WDR47: variants seen among roughly 807,000 people sequenced by gnomAD.
WDR47 encodes the protein WD repeat-containing protein 47.
Under a neutral mutation model 97.2 loss-of-function variants are expected in WDR47, and 32 were observed. The ratio of observed to expected loss-of-function variants is 0.33; its 90% CI spans 0.25 to 0.44. The LOEUF is 0.44. Among genes scored for constraint, WDR47 ranks in the 20% least tolerant of loss-of-function variants. WDR47 has a pLI of 1.00. For missense variants in WDR47, 782 were observed against 1,102.3 expected (o/e 0.71, Z 4.11); for synonymous variants, 375 against 373.5 (o/e 1.00, Z -0.05).
At chr1:109,004,446 A>C in intron 6 of WDR47, 146 bp downstream of exon 6, 2 of 1,003,982 alleles carry the variant, frequency 2.0e-6, no homozygotes, top group Non-Finnish European at 2.7e-6. Context: ...TGAAGAGAGG[A>C]GAGAAAATAA....
chr1:108,983,902 A>G (rs1658555814), intron 10 of WDR47, among the ~76,000 whole-genome samples: 1 of 152,256 alleles, frequency 6.6e-6, no homozygotes, highest in East Asian at 1.9e-4. Flanking sequence ...AATCTGGTAC[A>G]GGTAGATATT....
intron 13 of WDR47, among the ~76,000 whole-genome samples, chr1:108,979,925 G>A (rs1658210667): frequency 1.3e-5 from 2 of 152,174 alleles, no homozygotes; most frequent in Non-Finnish European, 2.9e-5. Flanking sequence ...CACACAGCAC[G>A]AGGTGAGTGA....
At chr1:108,983,790 A>C (rs1034674583) in intron 10 of WDR47, among the ~76,000 whole-genome samples, 5 of 152,120 alleles carry the variant, frequency 3.3e-5, no homozygotes, top group African/African-American at 1.2e-4. Context: ...AAATTTAAAA[A>C]AAAAATGCAA....
chr1:108,971,410 A>G lies in WDR47; in HGVS notation c.*20T>C. On this transcript the variant is annotated 3_prime_UTR_variant, in exon 15 of 15. Coordinates refer to ENST00000369962, the MANE Select transcript of WDR47 (RefSeq NM_001142551.2). ...TTAAGTCTCTGTGCTTTTGCTGCAT[A>G]GACTGACATGCGGTGTGCTCTACCC... 6.2e-7 allele frequency: 1 copy of G among 1,613,654 alleles called. No homozygotes were observed. Among genetic ancestry groups the G allele is most frequent in the South Asian group, 1.1e-5 (1 of 91,006 alleles).
Position 109,004,512 on chromosome 1 carries a change from T to A in WDR47, c.1254+80A>T, listed in dbSNP as rs1482147548. 4.1e-6 allele frequency: 6 copies of A among 1,451,984 alleles called. No homozygotes were observed. The Admixed American group carries it at 1.4e-4, about 35-fold the overall frequency. 89.9% of individuals were successfully genotyped at this position (1,451,984 alleles called of 1,614,324 possible). On this transcript the variant is annotated intron_variant, in intron 6 of 14. Transcript: ENST00000369962. ...TTCCTACTCCCAAATATCAGAAAAT[T>A]CTTTTTACATTCTAAGTAAATTCTA...
At chr1:108,997,173 C>G (rs891910528) in intron 7 of WDR47, among the ~76,000 whole-genome samples, 3 of 151,554 alleles carry the variant, frequency 2.0e-5, no homozygotes, top group Non-Finnish European at 4.4e-5. Context: ...CGCCTATAAT[C>G]CCAGAACTTT....
intron 3 of WDR47, among the ~76,000 whole-genome samples, chr1:109,017,130 C>A (rs1236992677): frequency 2.0e-5 from 3 of 152,098 alleles, no homozygotes; most frequent in Non-Finnish European, 4.4e-5. Context: ...CACAATTTAT[C>A]AACAGATTGC....
At chr1:109,013,998 T>C in intron 3 of WDR47, 73 bp from the exon 4 acceptor site, 2 of 1,126,374 alleles carry the variant, frequency 1.8e-6, no homozygotes. Flanking sequence ...ACTATGTAAG[T>C]ACTTTTGCTT....
chr1:109,031,950 C>T (rs1440294198), intron 1 of WDR47, among the ~76,000 whole-genome samples: 1 of 137,078 alleles, frequency 7.3e-6, no homozygotes, highest in Non-Finnish European at 1.6e-5. Flanking sequence ...CAGGCATGCA[C>T]CACCATACCT....
At position 109,006,769 on chromosome 1, in the gene WDR47, A is replaced by C. The variant is rs1230895048; in HGVS notation, c.1131-2054T>G. On this transcript the variant is annotated intron_variant, in intron 5 of 14. Coordinates refer to ENST00000369962, the MANE Select transcript of WDR47 (RefSeq NM_001142551.2). The stretch of plus-strand genomic sequence containing the variant: ...TCCATGCCTGAAATACATGCATTTC[A>C]AGCTTACATATTTCAAATGATTTTT... 2.0e-5 allele frequency among the ~76,000 whole-genome samples: 3 copies of C among 152,138 alleles called. No homozygotes were observed. The East Asian group carries it at 5.8e-4, about 29-fold the overall frequency.
chr1:108,978,693 A>G (rs969391814), intron 13 of WDR47, among the ~76,000 whole-genome samples: 4 of 152,186 alleles, frequency 2.6e-5, no homozygotes, highest in African/African-American at 4.8e-5. Context: ...AGAGCCAGCA[A>G]AAGAATAATA....
chr1:108,991,580 A>C (rs1452771184), intron 8 of WDR47, among the ~76,000 whole-genome samples: 1 of 152,186 alleles, frequency 6.6e-6, no homozygotes, highest in Non-Finnish European at 1.5e-5. Flanking sequence ...TGAGATGTCA[A>C]GTACCCTTCC....
At chr1:109,027,892 G>T (rs1662321955) in intron 1 of WDR47, among the ~76,000 whole-genome samples, 2 of 152,114 alleles carry the variant, frequency 1.3e-5, no homozygotes, top group African/African-American at 4.8e-5. Flanking sequence ...GCAACATAGT[G>T]AGACCTTATC....
At chr1:108,975,542 A>T (rs920615254) in intron 13 of WDR47, among the ~76,000 whole-genome samples, 1 of 151,952 alleles carries the variant, frequency 6.6e-6, no homozygotes, top group Non-Finnish European at 1.5e-5. Flanking sequence ...AATCGCTTCA[A>T]CCTGGGAGGC....
In WDR47 at chr1:109,019,479, G is replaced by A. The variant is rs182720175; in HGVS notation, c.159-1878C>T. On this transcript the variant is annotated intron_variant, in intron 2 of 14. Transcript: ENST00000369962. ...ACCATGGTGAAAATCCATCTCAACTGGGGGTGATTTTGCATTCTGTCAGGA... is the reference window on the plus strand; with the variant it reads ...ACCATGGTGAAAATCCATCTCAACTAGGGGTGATTTTGCATTCTGTCAGGA... 3.2e-4 allele frequency among the ~76,000 whole-genome samples: 48 copies of A among 151,870 alleles called. 1 individual carries two copies. The East Asian group carries it at 8.5e-3, about 27-fold the overall frequency.
chr1:108,983,825 A>G (rs967871932), intron 10 of WDR47, among the ~76,000 whole-genome samples: 1 of 152,024 alleles, frequency 6.6e-6, no homozygotes, highest in African/African-American at 2.4e-5. Flanking sequence ...ACATATAATA[A>G]ACACATAATA....
chr1:109,021,233 T>A (rs554113730), intron 2 of WDR47, among the ~76,000 whole-genome samples: 2 of 152,108 alleles, frequency 1.3e-5, no homozygotes, highest in African/African-American at 2.4e-5. Flanking sequence ...ATCCAATATA[T>A]AGAAAAAGTC....
chr1:108,971,180 A>G lies in WDR47; in HGVS notation c.*250T>C. ...TTGGAGTGCACACCAACAACTGAAG[A>G]GCTCTTCTGCAGACTTTGGCAACGA... On this transcript the variant is annotated 3_prime_UTR_variant, in exon 15 of 15. Coordinates refer to ENST00000369962, the MANE Select transcript of WDR47 (RefSeq NM_001142551.2). 1 of 425,194 alleles carries G rather than the reference A, an allele frequency of 2.4e-6. No homozygotes were observed. The highest frequency in any genetic ancestry group is 4.2e-6 in the Non-Finnish European group (1 of 237,386). 26.3% of individuals were successfully genotyped at this position (425,194 alleles called of 1,614,324 possible).
intron 2 of WDR47, among the ~76,000 whole-genome samples, chr1:109,019,457 A>C (rs560419156): frequency 6.6e-6 from 1 of 151,720 alleles, no homozygotes; most frequent in South Asian, 2.1e-4. Context: ...CTGAGGCACC[A>C]TGGTGAAAAT....
Sources: allele counts gnomAD v4.1 joint callset (sites outside exome capture counted in the v4.1 genomes callset), GRCh38; gene constraint gnomAD v4.1.1; transcripts MANE v1.5; gene names NCBI Gene and HGNC (gene_info 2026-07-23, HGNC 2026-07-21).